The following PTBP3 variants were observed in gnomAD, a reference collection of about 807,000 sequenced individuals.
PTBP3 encodes polypyrimidine tract-binding protein 3.
PTBP3 carries 20 observed loss-of-function variants against 58.7 expected under a neutral mutation model. That is an observed-to-expected ratio of 0.34 (90% confidence interval 0.24 to 0.50). The LOEUF (loss-of-function observed/expected upper bound fraction) is 0.50, where lower values mean the gene tolerates loss of function less well. PTBP3 is among the 20% of genes least tolerant of loss of function. The pLI, the probability that PTBP3 is intolerant of heterozygous loss-of-function variation, is 0.98. For synonymous variants in PTBP3, 185 were observed against 219.8 expected, an observed-to-expected ratio of 0.84 and a Z score of 1.40; for missense variants, 509 against 637.2, an observed-to-expected ratio of 0.80 and a Z score of 2.17.
chr9:112,252,456 G>C (rs1223539308), intron 6 of PTBP3: 3 of 513,334 alleles, frequency 5.8e-6, no homozygotes, highest in South Asian at 4.4e-5. Context: ...GCGTCTCAGA[G>C]ATGTGAGAGG....
At chr9:112,319,190 A>G (rs1829824503) in intron 1 of PTBP3, among the ~76,000 whole-genome samples, 1 of 152,000 alleles carries the variant, frequency 6.6e-6, no homozygotes. Flanking sequence ...AAATACTCAG[A>G]AATAAATTTA....
rs568177109 is a variant in PTBP3, at chr9:112,330,583, A to G, written c.-52+2887T>C. On this transcript the variant is annotated intron_variant, in intron 1 of 13. Coordinates refer to ENST00000374257, the MANE Select transcript of PTBP3 (RefSeq NM_001163788.4). ...GGAAAAAGCATTATAATAACAAATA[A>G]TAAAAATAAGAATGTGATGAGTTGT... is the stretch of plus-strand genomic sequence containing the variant. The G allele has an allele frequency of 1.6e-4, 111 of 692,076 alleles. 1 individual carries two copies. The highest frequency in any genetic ancestry group is 2.4e-4 in the Non-Finnish European group (101 of 420,254). 42.9% of individuals were successfully genotyped at this position (692,076 alleles called of 1,614,324 possible).
chr9:112,291,480 T>C (rs890764466), intron 2 of PTBP3, among the ~76,000 whole-genome samples: 7 of 152,024 alleles, frequency 4.6e-5, no homozygotes, highest in Non-Finnish European at 7.3e-5. Flanking sequence ...TACAAAGCTA[T>C]AGTAATTCAA....
At chr9:112,257,246 G>A (rs192634083) in intron 5 of PTBP3, among the ~76,000 whole-genome samples, 2 of 152,222 alleles carry the variant, frequency 1.3e-5, no homozygotes, top group African/African-American at 2.4e-5. Context: ...TACAAAAAAC[G>A]ATATGATACT....
intron 1 of PTBP3, among the ~76,000 whole-genome samples, chr9:112,302,789 CCT>C (rs1829000944): frequency 6.6e-6 from 1 of 151,934 alleles, no homozygotes. Flanking sequence ...AGGGTTTCAC[CCT>C]GTTGGTCAGG....
At chr9:112,357,493 G>A in the PTBP3 span, among the ~76,000 whole-genome samples, 1 of 151,948 alleles carries the variant, frequency 6.6e-6, no homozygotes, top group Non-Finnish European at 1.5e-5. Flanking sequence ...CTGAGACTAC[G>A]CGCAGGCAGC....
At position 112,221,237 on chromosome 9, in the gene PTBP3, AAG is replaced by A. The variant is rs957089521; in HGVS notation, c.*2612_*2613del. 1.7e-5 allele frequency: 17 copies of A among 985,148 alleles called. No homozygotes were observed. In the Admixed American group the frequency reaches 2.5e-4, roughly 14 times the overall value. The allele number at this position is 985,148 out of a possible 1,614,324, so 61.0% of individuals were successfully genotyped here. On this transcript the variant is annotated 3_prime_UTR_variant, in exon 14 of 14. Transcript: ENST00000374257. ...TGTGCATATGTATATACAACTTTAG[AAG>A]AGTGTATTTATGTATATACACTTAT...
At chr9:112,265,284 C>T (rs1836753024) in intron 4 of PTBP3, among the ~76,000 whole-genome samples, 1 of 152,030 alleles carries the variant, frequency 6.6e-6, no homozygotes, top group African/African-American at 2.4e-5. Context: ...GGGTGGATCA[C>T]CTGACCTCAG....
the PTBP3 span, among the ~76,000 whole-genome samples, chr9:112,339,548 ATTTTTTTTCTTTTCACTCTTTT>A: frequency 7.0e-6 from 1 of 143,708 alleles, no homozygotes; most frequent in African/African-American, 2.6e-5. Flanking sequence ...TGCCATTTTT[ATTTTTTTTCTTTTCACTCTTTT>A]TTTTTTTTCT....
chr9:112,232,340 A>C, intron 8 of PTBP3, 102 bp from the exon 9 acceptor site: 1 of 1,198,702 alleles, frequency 8.3e-7, no homozygotes, highest in East Asian at 2.6e-5. Context: ...CTACAGAAAG[A>C]AAATGTGTCA....
the PTBP3 span, among the ~76,000 whole-genome samples, chr9:112,362,098 G>T: frequency 6.6e-6 from 1 of 152,104 alleles, no homozygotes; most frequent in African/African-American, 2.4e-5. Context: ...CAGCACTTTG[G>T]GAGGCTGAGG....
intron 2 of PTBP3, 121 bp downstream of exon 2, chr9:112,297,711 A>C (rs142071579): frequency 0.011 from 8,529 of 766,356 alleles, 70 homozygotes; most frequent in Non-Finnish European, 0.013. Flanking sequence ...TTACCGAAAC[A>C]AATTTTAGCT....
rs1589789694 is a variant in PTBP3 at position 112,223,505 on chromosome 9, G to C, written c.*346C>G. ...TAAAAGTACAAATGAGTTTAGAAAT[G>C]TTGTATAAGGCTGATCTGGACCCAA... is the stretch of plus-strand genomic sequence containing the variant. On this transcript the variant is annotated 3_prime_UTR_variant, in exon 14 of 14. Coordinates refer to ENST00000374257, the MANE Select transcript of PTBP3 (RefSeq NM_001163788.4). 2 of 920,578 alleles carry C rather than the reference G, an allele frequency of 2.2e-6. No individual in the cohort carries two copies. Among genetic ancestry groups the C allele is most frequent in the East Asian group, 2.2e-4 (2 of 9,164 alleles). The allele number at this position is 920,578 out of a possible 1,614,324, so 57.0% of individuals were successfully genotyped here. A position where few individuals can be genotyped will look rare whatever the true frequency, so the allele number is the denominator to read the frequency against.
At chr9:112,367,250 A>G in the PTBP3 span, among the ~76,000 whole-genome samples, 1 of 152,176 alleles carries the variant, frequency 6.6e-6, no homozygotes, top group Non-Finnish European at 1.5e-5. Context: ...TGATTTATGT[A>G]CCCCCATTAC....
At chr9:112,255,635 C>T (rs771415040) in intron 5 of PTBP3, among the ~76,000 whole-genome samples, 1 of 152,066 alleles carries the variant, frequency 6.6e-6, no homozygotes, top group Non-Finnish European at 1.5e-5. Context: ...GGGTAAAATC[C>T]AAGCTCCTTC....
chr9:112,262,191 T>A (rs1836624950), intron 5 of PTBP3, among the ~76,000 whole-genome samples: 1 of 152,106 alleles, frequency 6.6e-6, no homozygotes, highest in South Asian at 2.1e-4. Context: ...TTTATTTTCA[T>A]GATTACCTAC....
intron 5 of PTBP3, among the ~76,000 whole-genome samples, chr9:112,259,102 C>T (rs576532112): frequency 1.3e-5 from 2 of 152,226 alleles, no homozygotes; most frequent in Admixed American, 6.5e-5. Context: ...CATGTGTGTG[C>T]CACCACCCTT....
At chr9:112,250,474 A>G (rs1836063451) in intron 7 of PTBP3, among the ~76,000 whole-genome samples, 1 of 138,560 alleles carries the variant, frequency 7.2e-6, no homozygotes. Flanking sequence ...GAAGTTCTGA[A>G]GTTTAGGAAA....
chr9:112,349,559 T>C, the PTBP3 span, among the ~76,000 whole-genome samples: 1 of 150,406 alleles, frequency 6.6e-6, no homozygotes, highest in Non-Finnish European at 1.5e-5. Context: ...ACACTATCTC[T>C]ACATATAGTG....
Sources: gnomAD v4.1 joint callset for allele counts (sites outside exome capture counted in the v4.1 genomes callset) on GRCh38, gnomAD v4.1.1 for gene constraint, MANE v1.5 for transcripts, NCBI Gene and HGNC (gene_info 2026-07-23, HGNC 2026-07-21) for gene names.